Variants in PCDHGA4 observed in about 807,000 individuals in gnomAD.
The protein encoded by PCDHGA4 is protocadherin gamma subfamily A, 4, also known as protocadherin gamma-A4.
In PCDHGA4, 38 loss-of-function variants were observed where a neutral mutation model predicts 54.6. That is an observed-to-expected ratio of 0.70 (90% CI 0.54 to 0.91). PCDHGA4 has a LOEUF of 0.91. PCDHGA4 is among the 40% of genes least tolerant of loss of function. PCDHGA4 has a pLI of 0.00. For missense variants in PCDHGA4, 1,298 were observed against 1,220.9 expected, an observed-to-expected ratio of 1.06 and a Z score of -0.94; for synonymous variants, 511 against 512.9, an observed-to-expected ratio of 1.00 and a Z score of 0.05.
chr5:141,391,083 G>A (rs974357992), intron 1 of PCDHGA4: 1 of 152,152 alleles, frequency 6.6e-6, no homozygotes, highest in East Asian at 1.9e-4. Context: ...ATGTGTAACT[G>A]CCTTATCTGC....
intron 1 of PCDHGA4, chr5:141,388,052 C>T (rs777475213): frequency 7.2e-7 from 1 of 1,394,236 alleles, no homozygotes; most frequent in Non-Finnish European, 9.8e-7. Flanking sequence ...ACCTGGGGTT[C>T]AGCGTCCAGG....
At chr5:141,420,218 C>T (rs762476625) in intron 1 of PCDHGA4, 11 of 1,608,290 alleles carry the variant, frequency 6.8e-6, no homozygotes, top group Admixed American at 1.7e-5. Flanking sequence ...AGATAGCATG[C>T]TACTGGCTAG....
At chr5:141,372,522 G>A (rs759250494) in intron 1 of PCDHGA4, 17 of 1,613,986 alleles carry the variant, frequency 1.1e-5, no homozygotes, top group Non-Finnish European at 1.4e-5. Context: ...GGTGATTCTG[G>A]CAATCTCCCT....
At chr5:141,371,972 T>A in intron 1 of PCDHGA4, 1 of 1,613,166 alleles carries the variant, frequency 6.2e-7, no homozygotes, top group Non-Finnish European at 8.5e-7. Context: ...AGCAGCTGCG[T>A]GCCTTCGAGC....
At position 141,489,083 on chromosome 5, in the gene PCDHGA4, T is replaced by G; in HGVS notation, c.2515-5724T>G. On this transcript the variant is annotated intron_variant, in intron 1 of 3. Coordinates refer to ENST00000571252, the MANE Select transcript of PCDHGA4 (RefSeq NM_018917.4). This position sits in a 1 kb window ranked among gnomAD's most constrained non-coding sequence, Gnocchi z 4.5. ...CCTCCCCCCTGCCCACCCCCGCCACTCGGTGACTAAGAACTGCTGCAAGCA... is the reference window on the plus strand; with the variant it reads ...CCTCCCCCCTGCCCACCCCCGCCACGCGGTGACTAAGAACTGCTGCAAGCA... The G allele has an allele frequency of 1.2e-5, 2 of 172,008 alleles. No individual in the cohort carries two copies. Among genetic ancestry groups the G allele is most frequent in the Non-Finnish European group, 2.1e-5 (2 of 94,012 alleles). The allele number at this position is 172,008 out of a possible 1,614,324, so 10.7% of individuals were successfully genotyped here. A position where few individuals can be genotyped will look rare whatever the true frequency, so the allele number is the denominator to read the frequency against.
At chr5:141,382,430 T>A (rs984775517) in intron 1 of PCDHGA4, among the ~76,000 whole-genome samples, 10 of 152,106 alleles carry the variant, frequency 6.6e-5, no homozygotes, top group African/African-American at 2.4e-4. Context: ...CCCAAAAGAG[T>A]CACTTGAAAG....
In PCDHGA4 at chr5:141,403,493, A is replaced by G. The variant is rs762825635; in HGVS notation, c.2514+45872A>G. The G allele has an allele frequency of 8.7e-6, 14 of 1,613,886 alleles. No homozygotes were observed. The highest frequency in any genetic ancestry group is 5.0e-5 in the Admixed American group (3 of 59,998). Reference sequence around the variant, plus strand: ...CAGCCCCAATCACCACTTCTCCCTGAACGTGCAGACTGGAGACAATGGAGC... The same window carrying G: ...CAGCCCCAATCACCACTTCTCCCTGGACGTGCAGACTGGAGACAATGGAGC... On this transcript the variant is annotated intron_variant, in intron 1 of 3. Coordinates refer to ENST00000571252, the MANE Select transcript of PCDHGA4 (RefSeq NM_018917.4).
At chr5:141,367,886 C>T (rs976689634) in intron 1 of PCDHGA4, 1 of 151,934 alleles carries the variant, frequency 6.6e-6, no homozygotes, top group Non-Finnish European at 1.5e-5. Context: ...TTCTTTATTA[C>T]TTGAGTTTAA....
intron 2 of PCDHGA4, among the ~76,000 whole-genome samples, chr5:141,498,543 C>T (rs2099784198): frequency 6.6e-6 from 1 of 151,870 alleles, no homozygotes; most frequent in South Asian, 2.1e-4. Flanking sequence ...CTGGTCTGGT[C>T]AGACACACCA....
chr5:141,441,852 G>T (rs1169073404), intron 1 of PCDHGA4: 2 of 352,708 alleles, frequency 5.7e-6, no homozygotes, highest in African/African-American at 2.2e-5. Flanking sequence ...TGGATATGGT[G>T]CTGCACGCCG....
rs373516334 is a variant in PCDHGA4 at position 141,414,175 on chromosome 5, A to G, written c.2514+56554A>G. On this transcript the variant is annotated intron_variant, in intron 1 of 3. Transcript: ENST00000571252. ...AGAAGATGGAGGAGCATATCTTGCA[A>G]CTGCAAAAGTGTTGATTACAGTAGA... 1.6e-5 allele frequency: 25 copies of G among 1,607,698 alleles called. No homozygotes were observed. The highest frequency in any genetic ancestry group is 1.3e-4 in the South Asian group (12 of 90,242).
intron 1 of PCDHGA4, chr5:141,364,987 C>G (rs1267926945): frequency 6.2e-7 from 1 of 1,613,904 alleles, no homozygotes; most frequent in African/African-American, 1.3e-5. Context: ...ATGGCGGAGA[C>G]CCGGTACTCT....
Position 141,489,341 on chromosome 5 carries a change from CAGT to C in PCDHGA4, c.2515-5465_2515-5463del. The stretch of plus-strand genomic sequence containing the variant: ...TGGGTGTCTGGGCAGCTTCGTTACT[CAGT>C]GGTGGAGGAGTCTGAGCCGGGGACG... On this transcript the variant is annotated intron_variant, in intron 1 of 3. Coordinates refer to ENST00000571252, the MANE Select transcript of PCDHGA4 (RefSeq NM_018917.4). This position sits in a 1 kb window ranked among gnomAD's most constrained non-coding sequence, Gnocchi z 4.5. The C allele has an allele frequency of 6.2e-7, 1 of 1,609,088 alleles. No homozygotes were observed. Among genetic ancestry groups the C allele is most frequent in the Non-Finnish European group, 8.5e-7 (1 of 1,176,770 alleles).
intron 1 of PCDHGA4, among the ~76,000 whole-genome samples, chr5:141,368,793 T>G (rs1012926253): frequency 6.6e-6 from 1 of 152,202 alleles, no homozygotes; most frequent in Non-Finnish European, 1.5e-5. Context: ...GAATAATTTT[T>G]CATACTAATT....
At chr5:141,389,445 G>C in intron 1 of PCDHGA4, 3 of 1,610,528 alleles carry the variant, frequency 1.9e-6, no homozygotes, top group Non-Finnish European at 2.5e-6. Flanking sequence ...CTTCGACCAC[G>C]AGCAGCTGCG....
chr5:141,366,545 C>T, intron 1 of PCDHGA4: 1 of 1,614,268 alleles, frequency 6.2e-7, no homozygotes, highest in East Asian at 2.2e-5. Context: ...GCCCGCCTCG[C>T]ACTTTGTGGG....
chr5:141,413,524 A>T lies in PCDHGA4; in HGVS notation c.2514+55903A>T, dbSNP rs772774054. The T allele has an allele frequency of 9.3e-6, 15 of 1,613,856 alleles. No individual in the cohort carries two copies. In the Admixed American group the frequency reaches 2.5e-4, roughly 27 times the overall value. ...GAGTTTTAATATCCTTGTGGAAGACAGGGTGAAACTTTTTGGGATAGAAAT... is the reference window on the plus strand; with the variant it reads ...GAGTTTTAATATCCTTGTGGAAGACTGGGTGAAACTTTTTGGGATAGAAAT... On this transcript the variant is annotated intron_variant, in intron 1 of 3. Coordinates refer to ENST00000571252, the MANE Select transcript of PCDHGA4 (RefSeq NM_018917.4).
In PCDHGA4 at chr5:141,356,932, G is replaced by A. The variant is rs1309058064; in HGVS notation, c.1825G>A (p.Ala609Thr). The stretch of plus-strand genomic sequence containing the variant: ...TGATGGCTCCACTGGTGTGGAGCTG[G>A]CACCCCGCTCCGCAGATTCCGGCTA... ...PTDGSTGVEL[A>T]PRSADSGYLV... The change falls in exon 1 of 4, where the codon GCA becomes ACA. Residue 609 changes from alanine (A) to threonine (T), a missense_variant. Transcript: ENST00000571252. The A allele has an allele frequency of 6.2e-7, 1 of 1,614,196 alleles. No homozygotes were observed. Among genetic ancestry groups the A allele is most frequent in the African/African-American group, 1.3e-5 (1 of 75,058 alleles).
intron 1 of PCDHGA4, chr5:141,403,784 G>C: frequency 1.9e-6 from 3 of 1,613,906 alleles, no homozygotes; most frequent in East Asian, 2.2e-5. Context: ...CGGAAAAGTG[G>C]CATACAAATT....
Sources: gnomAD v4.1 joint callset for allele counts (sites outside exome capture counted in the v4.1 genomes callset) on GRCh38, gnomAD v4.1.1 for gene constraint, Gnocchi (gnomAD v3.1) non-coding constraint, MANE v1.5 for transcripts, NCBI Gene and HGNC (gene_info 2026-07-23, HGNC 2026-07-21) for gene names.